The following METTL8 variants were observed in gnomAD, a reference collection of about 807,000 sequenced individuals.
METTL8 encodes the protein tRNA N(3)-cytidine methyltransferase METTL8, mitochondrial.
In METTL8, 32 loss-of-function variants were observed where a neutral mutation model predicts 48.7. That is an observed-to-expected ratio of 0.66 (90% CI 0.50 to 0.88). METTL8 has a LOEUF of 0.88. Ranked by LOEUF, METTL8 falls within the 40% of genes least tolerant of loss-of-function variation. The probability of loss-of-function intolerance (pLI) is 0.00; values close to 1 mark genes in which losing one functional copy is unlikely to be tolerated. For synonymous variants in METTL8, 136 were observed against 157.1 expected (o/e 0.87, Z 1.01); for missense variants, 464 against 474.4 (o/e 0.98, Z 0.20).
At chr2:171,378,535 G>A (rs1395496504) in intron 2 of METTL8, among the ~76,000 whole-genome samples, 1 of 152,140 alleles carries the variant, frequency 6.6e-6, no homozygotes, top group Non-Finnish European at 1.5e-5. Context: ...GGGAAGCTGA[G>A]GCAGAAGAAT....
At chr2:171,366,967 G>A (rs1373872975) in intron 2 of METTL8, among the ~76,000 whole-genome samples, 4 of 151,378 alleles carry the variant, frequency 2.6e-5, no homozygotes, top group Non-Finnish European at 1.5e-5. Context: ...CTTAATGACA[G>A]ATGTAGAAAT....
chr2:171,360,992 G>C (rs1685107873), intron 2 of METTL8, among the ~76,000 whole-genome samples: 1 of 152,128 alleles, frequency 6.6e-6, no homozygotes. Context: ...AGTAACTTTA[G>C]ATTTATTTTT....
intron 2 of METTL8, among the ~76,000 whole-genome samples, chr2:171,364,728 T>C (rs975839594): frequency 6.6e-6 from 1 of 152,198 alleles, no homozygotes; most frequent in East Asian, 1.9e-4. Context: ...AAGTTTTTGA[T>C]AATCTTACCT....
intron 1 of METTL8, among the ~76,000 whole-genome samples, chr2:171,395,622 C>A (rs576691386): frequency 1.3e-5 from 2 of 152,168 alleles, no homozygotes; most frequent in East Asian, 3.9e-4. Context: ...TGATAATAAG[C>A]CAATTCATCA....
rs576707529 is a variant in METTL8, at chr2:171,402,563, C to T, written c.-12-10366G>A. ...ACTCATATTTAGCTTAATATACATA[C>T]GTTATATATAGAAATATCTGTAGAT... On this transcript the variant is annotated intron_variant, in intron 1 of 9. Transcript: ENST00000375258. Among the ~76,000 whole-genome samples the T allele has an allele frequency of 9.3e-4, 141 of 152,118 alleles. 1 individual carries two copies. The highest frequency in any genetic ancestry group is 6.8e-3 in the Middle Eastern group (2 of 294).
At chr2:171,335,249 A>C (rs560165882) in intron 5 of METTL8, among the ~76,000 whole-genome samples, 290 of 152,284 alleles carry the variant, frequency 1.9e-3, no homozygotes, top group Non-Finnish European at 3.6e-3. Context: ...ACTACTCACT[A>C]TTCATTATGT....
intron 3 of METTL8, among the ~76,000 whole-genome samples, chr2:171,356,969 T>TTTTTTTTTTTTTGA (rs1684646760): frequency 6.9e-6 from 1 of 144,952 alleles, no homozygotes; most frequent in African/African-American, 2.5e-5. Flanking sequence ...TTTTTTTTTT[T>TTTTTTTTTTTTTGA]GAGACAGGGT....
intron 1 of METTL8, among the ~76,000 whole-genome samples, chr2:171,427,989 T>C (rs1232797711): frequency 1.3e-5 from 2 of 152,262 alleles, no homozygotes; most frequent in African/African-American, 2.4e-5. Context: ...TATTCAGTTA[T>C]ACTATGTTTC....
chr2:171,371,224 A>C (rs1047498768), intron 2 of METTL8, among the ~76,000 whole-genome samples: 2 of 152,196 alleles, frequency 1.3e-5, no homozygotes, highest in African/African-American at 4.8e-5. Context: ...ACTTCAATTA[A>C]ATCTTCCTTT....
In METTL8 at chr2:171,319,337, C is replaced by T. The variant is rs570342756; in HGVS notation, c.*4835G>A. 1 of 152,226 alleles carries T rather than the reference C, an allele frequency of 6.6e-6. No homozygotes were observed. Among genetic ancestry groups the T allele is most frequent in the Non-Finnish European group, 1.5e-5 (1 of 68,018 alleles). The allele number at this position is 152,226 out of a possible 1,614,324, so 9.4% of individuals were successfully genotyped here. ...GAGGAGCAGAGGCTTTGAAAGAGGT[C>T]GATTAGTGATGCAAATGTGAAGTTA... On this transcript the variant is annotated 3_prime_UTR_variant, in exon 10 of 10. Transcript: ENST00000375258.
At chr2:171,412,883 T>G (rs921537357) in intron 1 of METTL8, among the ~76,000 whole-genome samples, 1 of 152,216 alleles carries the variant, frequency 6.6e-6, no homozygotes, top group Admixed American at 6.5e-5. Context: ...TTGATAAAAT[T>G]TAAGCTTTTA....
At chr2:171,398,048 C>A (rs1559173729) in intron 1 of METTL8, among the ~76,000 whole-genome samples, 1 of 152,062 alleles carries the variant, frequency 6.6e-6, no homozygotes, top group Non-Finnish European at 1.5e-5. Context: ...GCTATTGGAA[C>A]ATAAAATGAT....
intron 1 of METTL8, among the ~76,000 whole-genome samples, chr2:171,424,187 G>T (rs2105664846): frequency 6.6e-6 from 1 of 152,328 alleles, no homozygotes; most frequent in South Asian, 2.1e-4. Flanking sequence ...AAGATGTATA[G>T]AAATGCCTGG....
chr2:171,338,478 A>G (rs10171164), intron 4 of METTL8, among the ~76,000 whole-genome samples: 7,543 of 151,936 alleles, frequency 0.05, 216 homozygotes, highest in African/African-American at 0.073. Flanking sequence ...TCTCTACTAA[A>G]AATACAAAAA....
Position 171,360,403 on chromosome 2 carries a change from A to G in METTL8, c.235+19T>C. The G allele has an allele frequency of 1.2e-6, 2 of 1,608,418 alleles. No individual in the cohort carries two copies. The highest frequency in any genetic ancestry group is 1.7e-4 in the Middle Eastern group (1 of 5,994). ...CACTAAAGCTCTGGCTCTAGGAGCT[A>G]CAGCACGCAGTTGACTACCTTGCTC... On this transcript the variant is annotated intron_variant, in intron 3 of 9. Transcript: ENST00000375258.
intron 1 of METTL8, among the ~76,000 whole-genome samples, chr2:171,419,078 C>T (rs1691623715): frequency 6.6e-6 from 1 of 151,488 alleles, no homozygotes; most frequent in Non-Finnish European, 1.5e-5. Context: ...GACATAGTTC[C>T]ATCACTGTGT....
At chr2:171,411,623 G>GA (rs1219938692) in intron 1 of METTL8, among the ~76,000 whole-genome samples, 10 of 151,420 alleles carry the variant, frequency 6.6e-5, no homozygotes, top group East Asian at 1.9e-4. Context: ...CACCCGTTTG[G>GA]AAAAAAAAGG....
intron 1 of METTL8, among the ~76,000 whole-genome samples, chr2:171,427,760 T>C (rs560220001): frequency 1.3e-5 from 2 of 152,350 alleles, no homozygotes; most frequent in African/African-American, 2.4e-5. Context: ...TATTGCTACC[T>C]AGAAATCTTA....
chr2:171,424,620 G>T (rs547030482), intron 1 of METTL8, among the ~76,000 whole-genome samples: 1 of 152,316 alleles, frequency 6.6e-6, no homozygotes, highest in East Asian at 1.9e-4. Context: ...TAGCCCCTTT[G>T]TTTTGGCCAA....
Sources: gnomAD v4.1 joint callset for allele counts (sites outside exome capture counted in the v4.1 genomes callset) on GRCh38, gnomAD v4.1.1 for gene constraint, MANE v1.5 for transcripts, NCBI Gene and HGNC (gene_info 2026-07-23, HGNC 2026-07-21) for gene names.